FKBP1B: variants seen among roughly 807,000 people sequenced by gnomAD.
FKBP1B encodes FKBP prolyl isomerase 1B.
FKBP1B carries 4 observed loss-of-function variants against 13.5 expected under a neutral mutation model. The ratio of observed to expected loss-of-function variants is 0.30; its 90% confidence interval spans 0.15 to 0.68. FKBP1B has a LOEUF of 0.68. Among genes scored for constraint, FKBP1B ranks in the 30% least tolerant of loss-of-function variants. FKBP1B has a pLI of 0.76. For synonymous variants in FKBP1B, 54 were observed against 53.6 expected, an observed-to-expected ratio of 1.01 and a Z score of -0.03; for missense variants, 93 against 136.2, an observed-to-expected ratio of 0.68 and a Z score of 1.58.
upstream of FKBP1B, among the ~76,000 whole-genome samples, chr2:24,047,979 C>T (rs546671458): frequency 2.6e-5 from 4 of 152,214 alleles, no homozygotes; most frequent in African/African-American, 9.6e-5. Flanking sequence ...AACAACACAG[C>T]CAGAACACCT....
chr2:24,062,891 C>G (rs1573701840), intron 3 of FKBP1B, 173 bp from the exon 4 acceptor site: 1 of 921,894 alleles, frequency 1.1e-6, no homozygotes, highest in Non-Finnish European at 1.6e-6. Context: ...GCAGAATCTG[C>G]GTTTGTTAAA....
chr2:24,034,990 T>C, the FKBP1B span, among the ~76,000 whole-genome samples: 2 of 151,606 alleles, frequency 1.3e-5, no homozygotes, highest in Non-Finnish European at 2.9e-5. Context: ...TTAAAGAAAA[T>C]TTTAAAAATA....
chr2:24,049,631 G>A (rs1429571783), upstream of FKBP1B: 2 of 372,342 alleles, frequency 5.4e-6, no homozygotes, highest in Non-Finnish European at 9.5e-6. Flanking sequence ...CCTTCCCCCG[G>A]GCCCCGCCCC....
upstream of FKBP1B, among the ~76,000 whole-genome samples, chr2:24,045,469 T>C (rs1573670731): frequency 6.6e-6 from 1 of 151,368 alleles, no homozygotes; most frequent in African/African-American, 2.4e-5. Flanking sequence ...GGCGTGGTGG[T>C]GTGTGCCTGT....
intron 2 of FKBP1B, among the ~76,000 whole-genome samples, chr2:24,059,382 T>C (rs879594500): frequency 7.8e-6 from 1 of 128,324 alleles, no homozygotes; most frequent in African/African-American, 3.2e-5. Context: ...TGGGGGGGGG[T>C]TCTGGTTTCA....
the FKBP1B span, among the ~76,000 whole-genome samples, chr2:24,036,570 T>C: frequency 1.3e-5 from 2 of 152,214 alleles, no homozygotes; most frequent in Non-Finnish European, 2.9e-5. Context: ...AAATTTGCAT[T>C]TCTACTTCTG....
intron 1 of FKBP1B, among the ~76,000 whole-genome samples, chr2:24,052,232 G>A (rs1427007759): frequency 1.3e-5 from 2 of 152,052 alleles, no homozygotes; most frequent in Non-Finnish European, 2.9e-5. Flanking sequence ...ACGCCTAACC[G>A]TCCATCCTAC....
chr2:24,038,548 G>T, the FKBP1B span: 1 of 1,614,242 alleles, frequency 6.2e-7, no homozygotes, highest in East Asian at 2.2e-5. Flanking sequence ...CAAATGTGAA[G>T]AATCTTGGCC....
chr2:24,035,002 T>C, the FKBP1B span, among the ~76,000 whole-genome samples: 2 of 151,532 alleles, frequency 1.3e-5, no homozygotes, highest in Admixed American at 6.6e-5. Flanking sequence ...TTAAAAATAA[T>C]ATATTTTTAT....
At chr2:24,040,560 T>C in the FKBP1B span, among the ~76,000 whole-genome samples, 1 of 152,254 alleles carries the variant, frequency 6.6e-6, no homozygotes, top group Non-Finnish European at 1.5e-5. Flanking sequence ...TTCTACTTCA[T>C]CTTATTCAAC....
the FKBP1B span, among the ~76,000 whole-genome samples, chr2:24,042,121 C>G: frequency 0.46 from 70,144 of 151,836 alleles, 16,910 homozygotes; most frequent in African/African-American, 0.56. Flanking sequence ...TAGTATAAAG[C>G]CTGGGTGTGG....
chr2:24,037,145 C>T, the FKBP1B span, among the ~76,000 whole-genome samples: 3 of 152,216 alleles, frequency 2.0e-5, no homozygotes, highest in Admixed American at 6.5e-5. Flanking sequence ...CTCCTGCTTT[C>T]CCAAGTAGCT....
At chr2:24,039,849 G>A in the FKBP1B span, among the ~76,000 whole-genome samples, 2 of 151,932 alleles carry the variant, frequency 1.3e-5, no homozygotes, top group Non-Finnish European at 2.9e-5. Flanking sequence ...TCAGGCTGAA[G>A]TGCAATGGCA....
Position 24,053,956 on chromosome 2 carries a change from C to T in FKBP1B, c.85+7C>T, listed in dbSNP as rs1663999633. 6.2e-7 allele frequency: 1 copy of T among 1,613,972 alleles called. No individual in the cohort carries two copies. Among genetic ancestry groups the T allele is most frequent in the Middle Eastern group, 1.6e-4 (1 of 6,062 alleles). ...TGTGTGGTGCACTACACAGGTAAGT[C>T]TCACCCCCTCAGCCCCCACCCAGTC... On this transcript the variant is annotated splice_region_variant and intron_variant, in intron 2 of 3. Transcript: ENST00000380986.
chr2:24,060,713 A>G, intron 2 of FKBP1B, 101 bp from the exon 3 acceptor site: 1 of 783,420 alleles, frequency 1.3e-6, no homozygotes, highest in South Asian at 1.6e-5. Flanking sequence ...GAAGAGGAGC[A>G]GGTGTGTGCA....
the FKBP1B span, among the ~76,000 whole-genome samples, chr2:24,041,173 T>A: frequency 6.6e-6 from 1 of 151,234 alleles, no homozygotes; most frequent in Non-Finnish European, 1.5e-5. Flanking sequence ...ACCCTGTTTC[T>A]AATAATAATA....
the FKBP1B span, chr2:24,038,992 C>T: frequency 1.2e-6 from 2 of 1,614,048 alleles, no homozygotes; most frequent in African/African-American, 1.3e-5. Context: ...CAGCCTCAGG[C>T]CATCCTGGGT....
intron 2 of FKBP1B, among the ~76,000 whole-genome samples, chr2:24,060,333 C>G (rs1043687906): frequency 6.6e-6 from 1 of 152,062 alleles, no homozygotes; most frequent in Non-Finnish European, 1.5e-5. Context: ...GGTGGATCAC[C>G]TGCAGTTCAG....
the FKBP1B span, chr2:24,039,407 C>G: frequency 6.2e-7 from 1 of 1,614,280 alleles, no homozygotes; most frequent in South Asian, 1.1e-5. Context: ...TGATTCCCAT[C>G]GGTCCAGGCA....
Sources: gnomAD v4.1 joint callset for allele counts (sites outside exome capture counted in the v4.1 genomes callset) on GRCh38, gnomAD v4.1.1 for gene constraint, MANE v1.5 for transcripts, NCBI Gene and HGNC (gene_info 2026-07-23, HGNC 2026-07-21) for gene names.